The following SLC27A5 variants were observed in gnomAD, a reference collection of about 807,000 sequenced individuals.
SLC27A5 encodes long-chain fatty acid transport protein 5.
SLC27A5 carries 47 observed loss-of-function variants against 63.1 expected under a neutral mutation model. The observed-to-expected ratio is 0.74, with a 90% CI of 0.59 to 0.95. SLC27A5 has a LOEUF of 0.95. SLC27A5 is among the 40% of genes least tolerant of loss of function. The pLI, the probability that SLC27A5 is intolerant of heterozygous loss-of-function variation, is 0.00. For missense variants in SLC27A5, 940 were observed against 921.0 expected (o/e 1.02, Z -0.27); for synonymous variants, 391 against 403.8 (o/e 0.97, Z 0.38).
Position 58,511,031 on chromosome 19 carries a change from G to C in SLC27A5, c.689-101C>G, listed in dbSNP as rs1174508993. Reference sequence around the variant, plus strand: ...GATGCAGGCAGAGGAGCAGCTAGTAGAGAAAAGCATCCATGTTGTTTGGTA... The same window carrying C: ...GATGCAGGCAGAGGAGCAGCTAGTACAGAAAAGCATCCATGTTGTTTGGTA... On this transcript the variant is annotated intron_variant, in intron 1 of 9. Coordinates refer to ENST00000263093, the MANE Select transcript of SLC27A5 (RefSeq NM_012254.3). 5.1e-5 allele frequency: 53 copies of C among 1,040,806 alleles called. No individual in the cohort carries two copies. The East Asian group carries it at 1.3e-3, about 26-fold the overall frequency. 64.5% of individuals were successfully genotyped at this position (1,040,806 alleles called of 1,614,324 possible). A position where few individuals can be genotyped will look rare whatever the true frequency, so the allele number is the denominator to read the frequency against.
chr19:58,501,777 G>A (rs1235458605), intron 3 of SLC27A5, among the ~76,000 whole-genome samples: 4 of 152,192 alleles, frequency 2.6e-5, no homozygotes, highest in East Asian at 1.9e-4. Context: ...GGGTTCAAGC[G>A]ATTCTCCTGC....
chr19:58,509,845 AC>A lies in SLC27A5; in HGVS notation c.1057+1del. The A allele has an allele frequency of 1.2e-6, 2 of 1,610,658 alleles. No homozygotes were observed. The highest frequency in any genetic ancestry group is 1.7e-6 in the Non-Finnish European group (2 of 1,178,204). ...TGGAGGGATCCTCAGAAGTGGGCTTACCGAGATCTAAGCAGCCGAGGATCCC... is the reference window on the plus strand; with the variant it reads ...TGGAGGGATCCTCAGAAGTGGGCTTACGAGATCTAAGCAGCCGAGGATCCC... On this transcript the variant is annotated splice_donor_variant, in intron 3 of 9. Transcript: ENST00000263093. LOFTEE classifies it high-confidence loss of function.
At chr19:58,499,803 CAA>C (rs2053253358) in intron 6 of SLC27A5, 113 bp from the exon 7 acceptor site, 1 of 965,092 alleles carries the variant, frequency 1.0e-6, no homozygotes, top group Admixed American at 2.5e-5. Context: ...AGGACAGACC[CAA>C]AGACACAGAC....
chr19:58,501,129 T>A (rs1437128704), intron 4 of SLC27A5, 157 bp downstream of exon 4: 2 of 1,249,960 alleles, frequency 1.6e-6, no homozygotes, highest in East Asian at 2.5e-5. Flanking sequence ...AAAGAAACCA[T>A]TATTGGAAGC....
chr19:58,499,315 C>T, intron 7 of SLC27A5, 95 bp from the exon 8 acceptor site: 1 of 1,384,514 alleles, frequency 7.2e-7, no homozygotes, highest in Non-Finnish European at 9.9e-7. Context: ...ATCAGGAGGC[C>T]CAGTCAGCCC....
At chr19:58,502,728 T>C (rs1280138298) in intron 3 of SLC27A5, among the ~76,000 whole-genome samples, 3 of 150,348 alleles carry the variant, frequency 2.0e-5, no homozygotes, top group South Asian at 2.1e-4. Context: ...AGTGAGTAGA[T>C]GGATGGGTGG....
At chr19:58,508,222 C>G (rs1004463533) in intron 3 of SLC27A5, 2 of 152,212 alleles carry the variant, frequency 1.3e-5, no homozygotes, top group African/African-American at 4.8e-5. Flanking sequence ...TGTACTCTTT[C>G]TCTTTATTTC....
chr19:58,503,078 G>A (rs374044877), intron 3 of SLC27A5, among the ~76,000 whole-genome samples: 20 of 151,966 alleles, frequency 1.3e-4, no homozygotes, highest in African/African-American at 2.9e-4. Context: ...GGTAGCGGGC[G>A]CCTGTAGTCC....
At chr19:58,503,598 G>A (rs767806089) in intron 3 of SLC27A5, among the ~76,000 whole-genome samples, 1 of 152,076 alleles carries the variant, frequency 6.6e-6, no homozygotes, top group East Asian at 1.9e-4. Flanking sequence ...AGGAGGGGGA[G>A]GCTGTAGTGA....
Position 58,509,974 on chromosome 19 carries a change from C to T in SLC27A5, c.930G>A (p.Glu310=). ...GCATCTTGCTCATCTGCAGTACCCG[C>T]TCATGCGTGAGGATGGCTGGCTTCG... ...GLPKPAILTH[E]RVLQMSKMLS... The change falls in exon 3 of 10, where the codon GAG becomes GAA. Residue 310 remains glutamate (E), a synonymous_variant. Transcript: ENST00000263093. 1 of 1,613,958 alleles carries T rather than the reference C, an allele frequency of 6.2e-7. No individual in the cohort carries two copies. The highest frequency in any genetic ancestry group is 8.5e-7 in the Non-Finnish European group (1 of 1,179,952).
At chr19:58,511,136 A>T in intron 1 of SLC27A5, 132 bp downstream of exon 1, 1 of 1,063,572 alleles carries the variant, frequency 9.4e-7, no homozygotes, top group Non-Finnish European at 1.3e-6. Context: ...TTCTGCTCAT[A>T]AGTCTTGATT....
chr19:58,511,217 T>C, intron 1 of SLC27A5, 51 bp downstream of exon 1: 1 of 1,491,638 alleles, frequency 6.7e-7, no homozygotes. Context: ...CCCTGTCCTA[T>C]AGTCCCTGCC....
chr19:58,511,021 G>T, intron 1 of SLC27A5, 91 bp from the exon 2 acceptor site: 1 of 1,087,222 alleles, frequency 9.2e-7, no homozygotes, highest in Non-Finnish European at 1.3e-6. Flanking sequence ...AGGCAGAGGA[G>T]CAGCTAGTAG....
In SLC27A5 at chr19:58,501,099, C is replaced by G. The variant is rs139492636; in HGVS notation, c.1182+187G>C. The stretch of plus-strand genomic sequence containing the variant: ...TGTTTTCCAAATGAGGACACTGAGG[C>G]TCAAGGTAGCACAGCTATCAAAGAA... On this transcript the variant is annotated intron_variant, in intron 4 of 9. Transcript: ENST00000263093. 417 of 1,178,222 alleles carry G rather than the reference C, an allele frequency of 3.5e-4. 3 individuals are homozygous for G. In the African/African-American group the frequency reaches 5.9e-3, roughly 17 times the overall value. The allele number at this position is 1,178,222 out of a possible 1,614,324, so 73.0% of individuals were successfully genotyped here. A position where few individuals can be genotyped will look rare whatever the true frequency, so the allele number is the denominator to read the frequency against.
chr19:58,510,764 T>C lies in SLC27A5; in HGVS notation c.855A>G (p.Thr285=). 1 of 1,613,334 alleles carries C rather than the reference T, an allele frequency of 6.2e-7. No individual in the cohort carries two copies. The change falls in exon 2 of 10, where the codon ACA becomes ACG. Residue 285 remains threonine (T), a synonymous_variant. Coordinates refer to ENST00000263093, the MANE Select transcript of SLC27A5 (RefSeq NM_012254.3). ...PVPADLRAGI[T]WRSPALFIYT... is the part of the protein sequence containing the mutation. The stretch of plus-strand genomic sequence containing the variant: ...AGATGAAGAGGGCAGGGCTTCTCCA[T>C]GTGATCCCAGCACGCAGGTCAGCAG...
rs550209099 is a variant in SLC27A5, at chr19:58,510,389, C to T, written c.898+332G>A. ...AGGGGTTAGAGACCAGCCTGGCTAA[C>T]TTGGGGAAACCCTGTCTCTACCAAA... On this transcript the variant is annotated intron_variant, in intron 2 of 9. Transcript: ENST00000263093. 1.2e-5 allele frequency: 4 copies of T among 325,218 alleles called. No homozygotes were observed. The South Asian group carries it at 1.7e-4, about 14-fold the overall frequency. 20.1% of individuals were successfully genotyped at this position (325,218 alleles called of 1,614,324 possible).
chr19:58,506,488 G>A (rs2053348862), intron 3 of SLC27A5, among the ~76,000 whole-genome samples: 1 of 152,174 alleles, frequency 6.6e-6, no homozygotes, highest in Admixed American at 6.5e-5. Flanking sequence ...GTGGTGATCT[G>A]AGATGGTGCC....
intron 3 of SLC27A5, among the ~76,000 whole-genome samples, chr19:58,501,957 C>G (rs930086969): frequency 7.2e-5 from 11 of 152,244 alleles, no homozygotes; most frequent in Non-Finnish European, 1.5e-5. Context: ...TGATTACAGG[C>G]ATGAGCCTCT....
chr19:58,510,905 G>A lies in SLC27A5; in HGVS notation c.714C>T (p.Ile238=), dbSNP rs748863542. 1 of 1,610,402 alleles carries A rather than the reference G, an allele frequency of 6.2e-7. No homozygotes were observed. The highest frequency in any genetic ancestry group is 1.1e-5 in the South Asian group (1 of 90,442). ...DPDLRESLEE[I]LPKLQAENIR... ...TGTTCTCAGCCTGCAGCTTGGGAAG[G>A]ATCTCCTCCAGGCTCTCCCGGAGGT... The change falls in exon 2 of 10, where the codon ATC becomes ATT. Residue 238 remains isoleucine (I), a synonymous_variant. Transcript: ENST00000263093.
Sources: gnomAD v4.1 joint callset for allele counts (sites outside exome capture counted in the v4.1 genomes callset) on GRCh38, gnomAD v4.1.1 for gene constraint, MANE v1.5 for transcripts, NCBI Gene and HGNC (gene_info 2026-07-23, HGNC 2026-07-21) for gene names.